Variants in LIN54 observed in about 807,000 individuals in gnomAD.
The protein encoded by LIN54 is protein lin-54 homolog.
Under a neutral mutation model 78.7 loss-of-function variants are expected in LIN54, and 9 were observed. The observed-to-expected ratio is 0.11, with a 90% CI of 0.07 to 0.20. LIN54 has a LOEUF of 0.20. Among genes scored for constraint, LIN54 ranks in the 10% least tolerant of loss-of-function variants. The probability of loss-of-function intolerance (pLI) is 1.00; values close to 1 mark genes in which losing one functional copy is unlikely to be tolerated. For missense variants in LIN54, 573 were observed against 889.9 expected (o/e 0.64, Z 4.53); for synonymous variants, 269 against 318.4 (o/e 0.84, Z 1.65).
chr4:82,927,813 TCAAAGG>T lies in LIN54; in HGVS notation c.*283_*288del. 1 of 283,904 alleles carries T rather than the reference TCAAAGG, an allele frequency of 3.5e-6. No homozygotes were observed. The highest frequency in any genetic ancestry group is 6.2e-6 in the Non-Finnish European group (1 of 161,392). 17.6% of individuals were successfully genotyped at this position (283,904 alleles called of 1,614,324 possible). A position where few individuals can be genotyped will look rare whatever the true frequency, so the allele number is the denominator to read the frequency against. ...TATATGAATTTATAAACATTTTTTG[TCAAAGG>T]TATCAGAAAGAGAACATCTAATTCT... On this transcript the variant is annotated 3_prime_UTR_variant, in exon 13 of 13. Coordinates refer to ENST00000340417, the MANE Select transcript of LIN54 (RefSeq NM_194282.4).
intron 4 of LIN54, among the ~76,000 whole-genome samples, chr4:82,954,397 AG>A (rs1724108390): frequency 1.2e-5 from 1 of 85,366 alleles, no homozygotes; most frequent in African/African-American, 3.5e-5. Context: ...AATTTATATG[AG>A]ATTATTTATT....
chr4:82,940,916 T>G (rs1165822598), intron 5 of LIN54, among the ~76,000 whole-genome samples: 1 of 152,148 alleles, frequency 6.6e-6, no homozygotes, highest in African/African-American at 2.4e-5. Context: ...TCTTGAAAAT[T>G]GATCAGAACA....
At chr4:82,975,547 C>G (rs1578587556) in intron 3 of LIN54, among the ~76,000 whole-genome samples, 1 of 151,806 alleles carries the variant, frequency 6.6e-6, no homozygotes, top group East Asian at 1.9e-4. Flanking sequence ...CCCGTCTCCA[C>G]TAAAAATACA....
chr4:82,968,810 C>T (rs1725424532), intron 4 of LIN54, among the ~76,000 whole-genome samples: 3 of 152,060 alleles, frequency 2.0e-5, no homozygotes, highest in African/African-American at 7.2e-5. Flanking sequence ...CCACAAGATT[C>T]GTATTTTTAA....
At chr4:82,958,428 A>C (rs1295766446) in intron 4 of LIN54, among the ~76,000 whole-genome samples, 1 of 152,140 alleles carries the variant, frequency 6.6e-6, no homozygotes, top group African/African-American at 2.4e-5. Context: ...GGTTCATAAA[A>C]GCTTCCTGTT....
At chr4:82,989,570 C>T (rs1457320964) in intron 1 of LIN54, among the ~76,000 whole-genome samples, 1 of 152,156 alleles carries the variant, frequency 6.6e-6, no homozygotes, top group Non-Finnish European at 1.5e-5. Context: ...AAAAGTTTGA[C>T]TCCTTCCTCT....
intron 1 of LIN54, among the ~76,000 whole-genome samples, chr4:83,006,448 C>CAA (rs1186424720): frequency 1.2e-4 from 7 of 60,042 alleles, no homozygotes; most frequent in Admixed American, 1.9e-4. Context: ...GACTCCGTCT[C>CAA]AAAAAAAAAA....
At chr4:82,940,070 G>A (rs992578742) in intron 5 of LIN54, 108 bp from the exon 6 acceptor site, 11 of 777,636 alleles carry the variant, frequency 1.4e-5, no homozygotes, top group African/African-American at 7.0e-5. Flanking sequence ...AGAGCTTAAA[G>A]AATTCCATTT....
chr4:82,936,257 A>G (rs1453095007), intron 10 of LIN54, 22 bp downstream of exon 10: 2 of 1,512,854 alleles, frequency 1.3e-6, no homozygotes, highest in Non-Finnish European at 1.8e-6. Flanking sequence ...TCTGTCAGTT[A>G]AATGAAATAA....
At chr4:82,932,725 T>C (rs1232409527) in intron 11 of LIN54, among the ~76,000 whole-genome samples, 1 of 151,466 alleles carries the variant, frequency 6.6e-6, no homozygotes, top group Non-Finnish European at 1.5e-5. Context: ...CTCGAGAGGC[T>C]GAGGCAGGAG....
intron 11 of LIN54, among the ~76,000 whole-genome samples, chr4:82,934,447 T>C (rs1722225204): frequency 6.6e-6 from 1 of 152,168 alleles, no homozygotes. Flanking sequence ...AAAACTTGTC[T>C]CTTTATGCAA....
Position 82,970,370 on chromosome 4 carries a change from G to C in LIN54, c.908C>G (p.Thr303Arg). The stretch of plus-strand genomic sequence containing the variant: ...AGGTGAGATGGCTATTTTATTTGGT[G>C]TCTGTGTTGTAGAATTTAAAGTTGA... ...IGSTLNSTTQ[T>R]PNKIAISPLK... Residue 303 changes from threonine (T) to arginine (R), a missense_variant, in exon 4 of 13, where the codon ACA (threonine) becomes AGA (arginine). This residue lies in a region of LIN54 where 199 missense variants were observed against 260.9 expected (regional missense o/e 0.76). Coordinates refer to ENST00000340417, the MANE Select transcript of LIN54 (RefSeq NM_194282.4). 1 of 1,612,036 alleles carries C rather than the reference G, an allele frequency of 6.2e-7. No individual in the cohort carries two copies. The highest frequency in any genetic ancestry group is 8.5e-7 in the Non-Finnish European group (1 of 1,179,194).
rs976675289 is a variant in LIN54, at chr4:82,946,206, C to A, written c.1168+52G>T. 4.1e-6 allele frequency: 6 copies of A among 1,450,174 alleles called. No homozygotes were observed. The African/African-American group carries it at 7.0e-5, about 17-fold the overall frequency. The allele number at this position is 1,450,174 out of a possible 1,614,324, so 89.8% of individuals were successfully genotyped here. A position where few individuals can be genotyped will look rare whatever the true frequency, so the allele number is the denominator to read the frequency against. ...TTTCAGCAAGAAATGGACAAATGTT[C>A]TTTAATCATGTTAAAAGCATGAATT... On this transcript the variant is annotated intron_variant, in intron 5 of 12. Transcript: ENST00000340417.
At chr4:82,971,829 C>G (rs1436997259) in intron 3 of LIN54, among the ~76,000 whole-genome samples, 2 of 152,084 alleles carry the variant, frequency 1.3e-5, no homozygotes, top group Admixed American at 6.6e-5. Flanking sequence ...AGTCAAGCAT[C>G]TAAGAAGTAG....
At chr4:82,937,332 C>A in intron 8 of LIN54, 34 bp from the exon 9 acceptor site, 1 of 1,382,190 alleles carries the variant, frequency 7.2e-7, no homozygotes, top group Non-Finnish European at 9.9e-7. Context: ...TACATTTAAT[C>A]AATTAATAGT....
chr4:82,974,535 G>A (rs961319660), intron 3 of LIN54, among the ~76,000 whole-genome samples: 25 of 151,940 alleles, frequency 1.6e-4, no homozygotes, highest in Admixed American at 6.6e-4. Context: ...TCAGGAGTCC[G>A]AGACCAGCCT....
chr4:82,953,162 A>T (rs934573325), intron 4 of LIN54, among the ~76,000 whole-genome samples: 3 of 151,916 alleles, frequency 2.0e-5, no homozygotes, highest in African/African-American at 7.2e-5. Context: ...CTAATTTTTT[A>T]ATTTTTATAG....
rs554524749 is a variant in LIN54, at chr4:82,927,355, C to G, written c.*747G>C. 3 of 152,284 alleles carry G rather than the reference C, an allele frequency of 2.0e-5. No individual in the cohort carries two copies. The highest frequency in any genetic ancestry group is 7.2e-5 in the African/African-American group (3 of 41,562). 9.4% of individuals were successfully genotyped at this position (152,284 alleles called of 1,614,324 possible). ...TCATTTTAATAGTACCCAGTAATCACTTTGACAATTTATTACTTCAAATAC... is the reference window on the plus strand; with the variant it reads ...TCATTTTAATAGTACCCAGTAATCAGTTTGACAATTTATTACTTCAAATAC... On this transcript the variant is annotated 3_prime_UTR_variant, in exon 13 of 13. Coordinates refer to ENST00000340417, the MANE Select transcript of LIN54 (RefSeq NM_194282.4).
At chr4:83,001,134 T>C (rs1728727750) in intron 1 of LIN54, among the ~76,000 whole-genome samples, 1 of 152,134 alleles carries the variant, frequency 6.6e-6, no homozygotes, top group Non-Finnish European at 1.5e-5. Flanking sequence ...CAATAAATTC[T>C]TACAGAGAAA....
Sources: gnomAD v4.1 joint callset for allele counts (sites outside exome capture counted in the v4.1 genomes callset) on GRCh38, gnomAD v4.1.1 for gene constraint, gnomAD v4.1.1 regional missense constraint, MANE v1.5 for transcripts, NCBI Gene and HGNC (gene_info 2026-07-23, HGNC 2026-07-21) for gene names.